The following NRG3 variants were observed in gnomAD, a reference collection of about 807,000 sequenced individuals.
NRG3 encodes the protein neuregulin 3, also known as pro-neuregulin-3, membrane-bound isoform.
NRG3 carries 31 observed loss-of-function variants against 66.9 expected under a neutral mutation model. The ratio of observed to expected loss-of-function variants is 0.46; its 90% CI spans 0.35 to 0.63. The LOEUF (loss-of-function observed/expected upper bound fraction) is 0.63, where lower values mean the gene tolerates loss of function less well. Ranked by LOEUF, NRG3 falls within the 20% of genes least tolerant of loss-of-function variation. The pLI is 0.00. For missense variants in NRG3, 910 were observed against 878.9 expected, an observed-to-expected ratio of 1.04 and a Z score of -0.45; for synonymous variants, 393 against 359.4, an observed-to-expected ratio of 1.09 and a Z score of -1.06.
chr10:81,979,330 T>C (rs1050455522), intron 1 of NRG3, among the ~76,000 whole-genome samples: 1 of 151,882 alleles, frequency 6.6e-6, no homozygotes, highest in Non-Finnish European at 1.5e-5. Context: ...ACCCTAACAA[T>C]AATATAACAT....
chr10:82,527,684 C>G (rs577198446), intron 2 of NRG3, among the ~76,000 whole-genome samples: 1 of 152,302 alleles, frequency 6.6e-6, no homozygotes, highest in East Asian at 1.9e-4. Context: ...TTTATCTTCT[C>G]TAACCCTTCC....
intron 1 of NRG3, among the ~76,000 whole-genome samples, chr10:81,902,308 C>G (rs921647198): frequency 3.9e-5 from 6 of 152,164 alleles, no homozygotes; most frequent in Non-Finnish European, 7.4e-5. Context: ...ATGCTTGATG[C>G]TAAGGAAGCC....
At chr10:82,220,671 T>G (rs1271070598) in intron 1 of NRG3, among the ~76,000 whole-genome samples, 2 of 152,202 alleles carry the variant, frequency 1.3e-5, no homozygotes, top group Non-Finnish European at 2.9e-5. Flanking sequence ...ACATGCCATA[T>G]AACTATTTTT....
intron 1 of NRG3, among the ~76,000 whole-genome samples, chr10:82,260,972 T>A (rs1350992651): frequency 6.6e-6 from 1 of 152,068 alleles, no homozygotes; most frequent in East Asian, 1.9e-4. Flanking sequence ...GGTATTTGGA[T>A]CATGGGGCAG....
intron 2 of NRG3, among the ~76,000 whole-genome samples, chr10:82,630,545 GT>G (rs1565145961): frequency 2.3e-4 from 35 of 152,028 alleles, no homozygotes; most frequent in African/African-American, 8.4e-4. Context: ...GGACGTGGTG[GT>G]GGGCATCTGT....
intron 1 of NRG3, among the ~76,000 whole-genome samples, chr10:82,029,107 G>T (rs980622340): frequency 6.6e-6 from 1 of 152,032 alleles, no homozygotes; most frequent in African/African-American, 2.4e-5. Context: ...TGCTCGGGAG[G>T]CTGAGGCAGG....
intron 5 of NRG3, among the ~76,000 whole-genome samples, chr10:82,956,907 G>A (rs955588892): frequency 6.6e-6 from 1 of 151,982 alleles, no homozygotes; most frequent in Non-Finnish European, 1.5e-5. Context: ...GCAACTAAGA[G>A]TGCTAGAGAT....
At chr10:82,754,149 G>A (rs114535784) in intron 3 of NRG3, among the ~76,000 whole-genome samples, 2,863 of 151,478 alleles carry the variant, frequency 0.019, 90 homozygotes, top group African/African-American at 0.061. Flanking sequence ...GTATTAAATC[G>A]TATTTATTTA....
intron 2 of NRG3, among the ~76,000 whole-genome samples, chr10:82,698,462 A>G (rs1388964655): frequency 6.6e-6 from 1 of 152,222 alleles, no homozygotes; most frequent in Non-Finnish European, 1.5e-5. Context: ...ATACCATGAT[A>G]AAATAACTTA....
chr10:82,246,219 C>G (rs1589452723), intron 1 of NRG3, among the ~76,000 whole-genome samples: 2 of 152,060 alleles, frequency 1.3e-5, no homozygotes, highest in East Asian at 3.9e-4. Context: ...AAAGAAAAGA[C>G]TTGGGGCAGT....
intron 2 of NRG3, among the ~76,000 whole-genome samples, chr10:82,589,982 T>C (rs541396341): frequency 1.3e-5 from 2 of 152,258 alleles, no homozygotes; most frequent in African/African-American, 2.4e-5. Flanking sequence ...CACTGAAAAA[T>C]GGTTGTTTTC....
chr10:81,942,859 A>G (rs555232872), intron 1 of NRG3, among the ~76,000 whole-genome samples: 15 of 152,316 alleles, frequency 9.8e-5, no homozygotes, highest in South Asian at 4.1e-4. Flanking sequence ...TAAATGTACA[A>G]GTGATTCTTT....
At chr10:81,990,919 T>G (rs957358932) in intron 1 of NRG3, among the ~76,000 whole-genome samples, 8 of 152,312 alleles carry the variant, frequency 5.3e-5, no homozygotes, top group Non-Finnish European at 1.2e-4. Flanking sequence ...TATTAAACTC[T>G]TGCTTTGCAA....
intron 2 of NRG3, among the ~76,000 whole-genome samples, chr10:82,589,763 C>G (rs768162703): frequency 2.0e-5 from 3 of 152,180 alleles, no homozygotes; most frequent in Non-Finnish European, 4.4e-5. Context: ...ACAGGATTCA[C>G]TTTTTCATGT....
At chr10:82,644,272 C>T (rs2050786010) in intron 2 of NRG3, among the ~76,000 whole-genome samples, 2 of 152,098 alleles carry the variant, frequency 1.3e-5, no homozygotes, top group South Asian at 2.1e-4. Context: ...GAATGGGATG[C>T]TTCCTGTTGG....
At chr10:82,644,155 C>A (rs2050778671) in intron 2 of NRG3, among the ~76,000 whole-genome samples, 1 of 152,190 alleles carries the variant, frequency 6.6e-6, no homozygotes, top group Non-Finnish European at 1.5e-5. Context: ...ATATAGGAAC[C>A]TAATGCTCCT....
At chr10:82,706,085 C>T (rs985815818) in intron 2 of NRG3, among the ~76,000 whole-genome samples, 1 of 152,042 alleles carries the variant, frequency 6.6e-6, no homozygotes, top group African/African-American at 2.4e-5. Context: ...GATCAACCAC[C>T]CACTCCCTTT....
chr10:82,955,625 A>G lies in NRG3; in HGVS notation c.1158-3324A>G, dbSNP rs569476920. ...AGGTAATTATCACAAATGGGAAAAA[A>G]GAGGAGGATAAAAACTGGTATTATC... On this transcript the variant is annotated intron_variant, in intron 5 of 8. Transcript: ENST00000372141. Among the ~76,000 whole-genome samples the G allele has an allele frequency of 5.3e-4, 80 of 151,944 alleles. No homozygotes were observed. In the Middle Eastern group the frequency reaches 0.014, roughly 26 times the overall value.
chr10:82,672,737 G>T (rs185130494), intron 2 of NRG3, among the ~76,000 whole-genome samples: 1 of 152,280 alleles, frequency 6.6e-6, no homozygotes, highest in Admixed American at 6.5e-5. Flanking sequence ...AAATCTGCAT[G>T]GTTTTTTTGT....
Sources: gnomAD v4.1 joint callset for allele counts (sites outside exome capture counted in the v4.1 genomes callset) on GRCh38, gnomAD v4.1.1 for gene constraint, MANE v1.5 for transcripts, NCBI Gene and HGNC (gene_info 2026-07-23, HGNC 2026-07-21) for gene names.